SNTG1: variants seen among roughly 807,000 people sequenced by gnomAD.
SNTG1 encodes gamma-1-syntrophin.
SNTG1 carries 39 observed loss-of-function variants against 74.7 expected under a neutral mutation model. The observed-to-expected ratio is 0.52, with a 90% CI of 0.40 to 0.68. The LOEUF (loss-of-function observed/expected upper bound fraction) is 0.68, where lower values mean the gene tolerates loss of function less well. Ranked by LOEUF, SNTG1 falls within the 30% of genes least tolerant of loss-of-function variation. The pLI is 0.00. For synonymous variants in SNTG1, 254 were observed against 217.1 expected (o/e 1.17, Z -1.49); for missense variants, 685 against 609.5 (o/e 1.12, Z -1.30).
At chr8:50,007,894 A>G (rs1815394638) in intron 1 of SNTG1, among the ~76,000 whole-genome samples, 1 of 152,176 alleles carries the variant, frequency 6.6e-6, no homozygotes, top group Non-Finnish European at 1.5e-5. Context: ...GGTGGGAGGC[A>G]AAGGAGAAGT....
rs80214736 is a variant in SNTG1 at position 50,770,268 on chromosome 8, A to G, written c.1395+18157A>G. On this transcript the variant is annotated intron_variant, in intron 18 of 18. Coordinates refer to ENST00000642720, the MANE Select transcript of SNTG1 (RefSeq NM_018967.5). ...ACTCTTCTGGAAAGGCAATGAGAAA[A>G]TATTCATAATTATCAGAATCAATGT... Among the ~76,000 whole-genome samples the G allele has an allele frequency of 1.5e-3, 236 of 152,268 alleles. 1 individual carries two copies. Among genetic ancestry groups the G allele is most frequent in the African/African-American group, 5.4e-3 (224 of 41,572 alleles).
At chr8:50,709,508 C>CA (rs2095455610) in intron 17 of SNTG1, among the ~76,000 whole-genome samples, 1 of 152,080 alleles carries the variant, frequency 6.6e-6, no homozygotes, top group Non-Finnish European at 1.5e-5. Context: ...CTATGAGGTG[C>CA]TCTTTTCCCA....
chr8:50,456,982 A>C (rs936249841), intron 8 of SNTG1: 1 of 152,160 alleles, frequency 6.6e-6, no homozygotes, highest in Non-Finnish European at 1.5e-5. Flanking sequence ...CAAATTCCAA[A>C]ATTTTCACAT....
chr8:50,150,034 T>C (rs907350443), intron 1 of SNTG1, among the ~76,000 whole-genome samples: 3 of 152,012 alleles, frequency 2.0e-5, no homozygotes, highest in Admixed American at 2.0e-4. Flanking sequence ...GACCATGGAA[T>C]GTTCTTCCGT....
intron 1 of SNTG1, among the ~76,000 whole-genome samples, chr8:50,100,953 T>C (rs770118933): frequency 6.6e-6 from 1 of 151,974 alleles, no homozygotes; most frequent in Non-Finnish European, 1.5e-5. Flanking sequence ...CCTTCAAATA[T>C]TCCCTGGTGT....
intron 1 of SNTG1, among the ~76,000 whole-genome samples, chr8:50,089,078 A>G (rs1218167531): frequency 6.6e-6 from 1 of 151,478 alleles, no homozygotes; most frequent in Non-Finnish European, 1.5e-5. Flanking sequence ...ATGGAACAGA[A>G]CAGAGCCCTC....
intron 2 of SNTG1, among the ~76,000 whole-genome samples, chr8:50,184,365 CA>C (rs2083310186): frequency 6.6e-6 from 1 of 152,164 alleles, no homozygotes; most frequent in East Asian, 1.9e-4. Flanking sequence ...AGGGTTTCAC[CA>C]TGTTGGTCAG....
chr8:50,762,807 C>T, intron 18 of SNTG1: 1 of 446,352 alleles, frequency 2.2e-6, no homozygotes, highest in South Asian at 1.6e-5. Flanking sequence ...ATATTTAATT[C>T]TCTTTTAAGT....
chr8:49,912,908 C>T (rs910822414), intron 1 of SNTG1, among the ~76,000 whole-genome samples: 1 of 152,174 alleles, frequency 6.6e-6, no homozygotes, highest in African/African-American at 2.4e-5. Flanking sequence ...ATCATTCTAA[C>T]TTATTAGTTC....
chr8:50,174,460 T>A (rs1479944414), intron 2 of SNTG1, among the ~76,000 whole-genome samples: 1 of 152,190 alleles, frequency 6.6e-6, no homozygotes, highest in South Asian at 2.1e-4. Context: ...ACCAACAGTG[T>A]AAAAGCGTTA....
At chr8:50,275,239 A>T (rs563950839) in intron 2 of SNTG1, among the ~76,000 whole-genome samples, 35 of 152,274 alleles carry the variant, frequency 2.3e-4, no homozygotes, top group South Asian at 6.2e-4. Flanking sequence ...TCAACACTCT[A>T]ATAGTGTTTG....
chr8:50,181,796 T>C (rs949489544), intron 2 of SNTG1, among the ~76,000 whole-genome samples: 10 of 152,336 alleles, frequency 6.6e-5, no homozygotes, highest in African/African-American at 2.4e-4. Context: ...TATTATCTTT[T>C]ATTCTTTAAA....
rs1439257259 is a variant in SNTG1, at chr8:50,701,666, C to T, written c.1039-2934C>T. 1.2e-3 allele frequency among the ~76,000 whole-genome samples: 176 copies of T among 144,556 alleles called. 1 individual carries two copies. The highest frequency in any genetic ancestry group is 4.7e-3 in the African/African-American group (171 of 36,252). 94.8% of individuals were successfully genotyped at this position (144,556 alleles called of 152,430 possible). ...TCCTCCTCTTTTTCTTCCTCTTCTT[C>T]TTCTTCCTTCTTCTTCTTCTTCTTT... On this transcript the variant is annotated intron_variant, in intron 15 of 18. Transcript: ENST00000642720.
intron 1 of SNTG1, among the ~76,000 whole-genome samples, chr8:50,036,482 G>GT (rs1190218187): frequency 6.6e-5 from 10 of 152,164 alleles, no homozygotes; most frequent in Admixed American, 6.5e-4. Flanking sequence ...TCTGGAATAA[G>GT]TTATCCTCAG....
chr8:50,513,789 C>T (rs1014145410), intron 9 of SNTG1, among the ~76,000 whole-genome samples: 2 of 152,320 alleles, frequency 1.3e-5, no homozygotes, highest in African/African-American at 2.4e-5. Context: ...GTGGGAGTGA[C>T]CCAATTTTCC....
chr8:50,655,164 A>G (rs2095172218), intron 13 of SNTG1, among the ~76,000 whole-genome samples: 1 of 152,202 alleles, frequency 6.6e-6, no homozygotes, highest in Non-Finnish European at 1.5e-5. Context: ...GTAACATTAG[A>G]TGGTGGGTTG....
At chr8:50,752,214 T>A (rs2095569355) in intron 18 of SNTG1, 103 bp downstream of exon 18, 2 of 527,250 alleles carry the variant, frequency 3.8e-6, no homozygotes, top group South Asian at 9.7e-5. Flanking sequence ...AAAACACACA[T>A]TCTCTGCTCA....
chr8:50,263,530 TATAATGCAAATGATG>T (rs1364348767), intron 2 of SNTG1, among the ~76,000 whole-genome samples: 2 of 152,036 alleles, frequency 1.3e-5, no homozygotes, highest in Non-Finnish European at 2.9e-5. Context: ...GAAAAAGACA[TATAATGCAAATGATG>T]ATCTTAAGAT....
At chr8:50,356,192 G>A (rs888297326) in intron 2 of SNTG1, among the ~76,000 whole-genome samples, 4 of 151,920 alleles carry the variant, frequency 2.6e-5, no homozygotes, top group African/African-American at 9.7e-5. Flanking sequence ...AGTCAAATAT[G>A]TACTGAGTTC....
Sources: allele counts gnomAD v4.1 joint callset (sites outside exome capture counted in the v4.1 genomes callset), GRCh38; gene constraint gnomAD v4.1.1; transcripts MANE v1.5; gene names NCBI Gene and HGNC (gene_info 2026-07-23, HGNC 2026-07-21).